The following PARD3B variants were observed in gnomAD, a reference collection of about 807,000 sequenced individuals.
PARD3B encodes the protein partitioning defective 3 homolog B.
Under a neutral mutation model 130.2 loss-of-function variants are expected in PARD3B, and 103 were observed. The observed-to-expected ratio is 0.79, with a 90% CI of 0.67 to 0.93. PARD3B has a LOEUF of 0.93. Ranked by LOEUF, PARD3B falls within the 40% of genes least tolerant of loss-of-function variation. The pLI is 0.00. For missense variants in PARD3B, 1,609 were observed against 1,499.2 expected (o/e 1.07, Z -1.21); for synonymous variants, 583 against 553.2 (o/e 1.05, Z -0.76).
At chr2:205,177,813 G>T (rs1411418340) in intron 13 of PARD3B, among the ~76,000 whole-genome samples, 1 of 152,072 alleles carries the variant, frequency 6.6e-6, no homozygotes, top group African/African-American at 2.4e-5. Flanking sequence ...AGTGGATAAT[G>T]TTATCTTCAT....
intron 2 of PARD3B, among the ~76,000 whole-genome samples, chr2:204,893,735 T>C (rs1183907222): frequency 6.6e-6 from 1 of 152,186 alleles, no homozygotes; most frequent in Non-Finnish European, 1.5e-5. Context: ...GTATAGCACA[T>C]CTCAGTTTGG....
At chr2:205,246,331 T>C (rs926928024) in intron 16 of PARD3B, among the ~76,000 whole-genome samples, 5 of 152,046 alleles carry the variant, frequency 3.3e-5, no homozygotes, top group Non-Finnish European at 7.4e-5. Context: ...CCCTAGATAT[T>C]CTCTAGGAAG....
intron 15 of PARD3B, among the ~76,000 whole-genome samples, chr2:205,222,370 C>G (rs16837107): frequency 1.3e-5 from 2 of 152,034 alleles, no homozygotes; most frequent in Non-Finnish European, 2.9e-5. Context: ...TGCTGTTCCA[C>G]GTACAAACTT....
rs537745914 is a variant in PARD3B at position 205,240,392 on chromosome 2, C to T, written c.2141-5386C>T. 3.1e-4 allele frequency among the ~76,000 whole-genome samples: 47 copies of T among 152,188 alleles called. 2 individuals are homozygous for T. The South Asian group carries it at 5.0e-3, about 16-fold the overall frequency. ...GAAGATGTATTTTTATTGTGCCAAA[C>T]ATCAACTTCAAAATTGCAGTCTCTA... On this transcript the variant is annotated intron_variant, in intron 15 of 22. Coordinates refer to ENST00000406610, the MANE Select transcript of PARD3B (RefSeq NM_001302769.2).
chr2:204,771,724 T>C (rs949885026), intron 2 of PARD3B, among the ~76,000 whole-genome samples: 1 of 152,150 alleles, frequency 6.6e-6, no homozygotes, highest in Non-Finnish European at 1.5e-5. Context: ...CTTTTTCCCA[T>C]GTCTTTAAAA....
intron 21 of PARD3B, among the ~76,000 whole-genome samples, chr2:205,536,271 A>G (rs1575289895): frequency 1.3e-5 from 2 of 152,250 alleles, no homozygotes; most frequent in Non-Finnish European, 1.5e-5. Flanking sequence ...TTTTTAAGAA[A>G]TGATTCGATT....
At chr2:204,961,196 A>G (rs1019390267) in intron 2 of PARD3B, among the ~76,000 whole-genome samples, 2 of 152,186 alleles carry the variant, frequency 1.3e-5, no homozygotes, top group Admixed American at 6.5e-5. Flanking sequence ...AGGTGATCCA[A>G]TTCATGCTAG....
chr2:205,202,993 A>G (rs937329330), intron 15 of PARD3B, among the ~76,000 whole-genome samples: 1 of 152,158 alleles, frequency 6.6e-6, no homozygotes, highest in African/African-American at 2.4e-5. Flanking sequence ...AATGGTCTCA[A>G]ATGTTGCCAG....
chr2:204,594,010 C>T (rs2033183404), intron 1 of PARD3B, among the ~76,000 whole-genome samples: 1 of 152,120 alleles, frequency 6.6e-6, no homozygotes, highest in Non-Finnish European at 1.5e-5. Flanking sequence ...TATGGCACTC[C>T]AAGATGCCAC....
At chr2:205,216,341 C>G (rs907299364) in intron 15 of PARD3B, among the ~76,000 whole-genome samples, 4 of 152,074 alleles carry the variant, frequency 2.6e-5, no homozygotes, top group African/African-American at 7.2e-5. Flanking sequence ...TTCTCAGAAC[C>G]TATCTCAGTC....
chr2:204,576,792 T>C (rs769279189), intron 1 of PARD3B, among the ~76,000 whole-genome samples: 1 of 152,200 alleles, frequency 6.6e-6, no homozygotes, highest in South Asian at 2.1e-4. Context: ...CTTCCCCTTA[T>C]GGTGTCTTTC....
intron 4 of PARD3B, among the ~76,000 whole-genome samples, chr2:205,061,794 C>CAAA (rs547561903): frequency 8.1e-6 from 1 of 123,860 alleles, no homozygotes; most frequent in African/African-American, 3.0e-5. Flanking sequence ...CTTTTAATTT[C>CAAA]AAAAAAAAAA....
chr2:204,971,364 T>C (rs1235344274), intron 3 of PARD3B, among the ~76,000 whole-genome samples: 1 of 152,200 alleles, frequency 6.6e-6, no homozygotes, highest in Non-Finnish European at 1.5e-5. Flanking sequence ...GTTATGCTTC[T>C]GATGAAGCCT....
In PARD3B at chr2:205,221,071, G is replaced by C. The variant is rs941542273; in HGVS notation, c.2141-24707G>C. On this transcript the variant is annotated intron_variant, in intron 15 of 22. Coordinates refer to ENST00000406610, the MANE Select transcript of PARD3B (RefSeq NM_001302769.2). ...TATAATAAGATTTTTGTTTTGGTTT[G>C]GTTTTAGTTTTTAAATAATTACAGT... 2.0e-5 allele frequency among the ~76,000 whole-genome samples: 3 copies of C among 152,108 alleles called. No homozygotes were observed. The East Asian group carries it at 5.8e-4, about 29-fold the overall frequency.
At chr2:204,661,009 C>T (rs550500452) in intron 1 of PARD3B, among the ~76,000 whole-genome samples, 1 of 152,284 alleles carries the variant, frequency 6.6e-6, no homozygotes, top group East Asian at 1.9e-4. Context: ...AGTACTGATG[C>T]TTTCCCCAGG....
intron 1 of PARD3B, among the ~76,000 whole-genome samples, chr2:204,652,224 G>T (rs905839871): frequency 6.6e-6 from 1 of 151,768 alleles, no homozygotes; most frequent in Non-Finnish European, 1.5e-5. Context: ...CAAATTTTCC[G>T]AACTTCTTGC....
At chr2:205,071,811 C>T (rs1398559935) in intron 4 of PARD3B, among the ~76,000 whole-genome samples, 9 of 152,126 alleles carry the variant, frequency 5.9e-5, no homozygotes, top group African/African-American at 2.2e-4. Flanking sequence ...AACATAACTG[C>T]CACTTTTACA....
At chr2:205,195,955 G>A (rs756622225) in intron 15 of PARD3B, among the ~76,000 whole-genome samples, 4 of 151,908 alleles carry the variant, frequency 2.6e-5, no homozygotes, top group Non-Finnish European at 5.9e-5. Context: ...TTTCATATTT[G>A]CTACTAAGAC....
chr2:205,153,010 A>G (rs1365231366), intron 10 of PARD3B, among the ~76,000 whole-genome samples: 1 of 152,164 alleles, frequency 6.6e-6, no homozygotes, highest in East Asian at 1.9e-4. Context: ...TCTAACACTC[A>G]GGACGCTCAG....
Sources: allele counts gnomAD v4.1 joint callset (sites outside exome capture counted in the v4.1 genomes callset), GRCh38; gene constraint gnomAD v4.1.1; transcripts MANE v1.5; gene names NCBI Gene and HGNC (gene_info 2026-07-23, HGNC 2026-07-21).